The following DCAF4 variants were observed in gnomAD, a reference collection of about 807,000 sequenced individuals.
DCAF4 encodes the protein DDB1 and CUL4 associated factor 4.
In DCAF4, 37 loss-of-function variants were observed where a neutral mutation model predicts 60.9. The ratio of observed to expected loss-of-function variants is 0.61; its 90% confidence interval spans 0.47 to 0.80. The LOEUF (loss-of-function observed/expected upper bound fraction) is 0.80. DCAF4 is among the 30% of genes least tolerant of loss of function. DCAF4 has a pLI of 0.00. For missense variants in DCAF4, 577 were observed against 650.0 expected (o/e 0.89, Z 1.22); for synonymous variants, 243 against 254.8 (o/e 0.95, Z 0.44).
At chr14:72,943,814 G>T (rs1295301441) in intron 6 of DCAF4, among the ~76,000 whole-genome samples, 1 of 152,154 alleles carries the variant, frequency 6.6e-6, no homozygotes, top group Non-Finnish European at 1.5e-5. Flanking sequence ...GGATACAGAG[G>T]CAGGAGCATC....
chr14:72,950,390 TAG>T (rs1303309354), intron 8 of DCAF4, among the ~76,000 whole-genome samples: 1 of 152,050 alleles, frequency 6.6e-6, no homozygotes, highest in Non-Finnish European at 1.5e-5. Flanking sequence ...GAGTGTGTAG[TAG>T]AAATTGGGCT....
chr14:72,943,135 C>T (rs1329396361), intron 6 of DCAF4, 39 bp downstream of exon 6: 7 of 1,587,914 alleles, frequency 4.4e-6, no homozygotes, highest in Non-Finnish European at 6.1e-6. Flanking sequence ...GTGTGGCTGC[C>T]ACCCTCTGGA....
rs902656207 is a variant in DCAF4 at position 72,955,779 on chromosome 14, C to T, written c.1179+83C>T. ...GTGAAAGGGTTCTGCTGAAGAGGTC[C>T]TCACACCAAGACCCCAGGCAGGGGA... is the stretch of plus-strand genomic sequence containing the variant. On this transcript the variant is annotated intron_variant, in intron 12 of 13. Transcript: ENST00000358377. 48 of 1,331,146 alleles carry T rather than the reference C, an allele frequency of 3.6e-5. No individual in the cohort carries two copies. The African/African-American group carries it at 6.3e-4, about 17-fold the overall frequency. The allele number at this position is 1,331,146 out of a possible 1,614,324, so 82.5% of individuals were successfully genotyped here. A position where few individuals can be genotyped will look rare whatever the true frequency, so the allele number is the denominator to read the frequency against.
At chr14:72,929,021 C>T (rs1015749759) in intron 1 of DCAF4, among the ~76,000 whole-genome samples, 1 of 152,146 alleles carries the variant, frequency 6.6e-6, no homozygotes, top group African/African-American at 2.4e-5. Flanking sequence ...TGCCATCCCC[C>T]ACACTTGGCT....
chr14:72,929,471 A>G, intron 1 of DCAF4: 1 of 616,126 alleles, frequency 1.6e-6, no homozygotes, highest in South Asian at 2.0e-5. Context: ...CCAAGGCAGG[A>G]GGATCGCTGG....
chr14:72,956,349 G>T, intron 12 of DCAF4, 37 bp from the exon 13 acceptor site: 1 of 1,534,204 alleles, frequency 6.5e-7, no homozygotes, highest in South Asian at 1.3e-5. Context: ...GGTACCCCCT[G>T]GCCCCTCCCT....
rs925101747 is a variant in DCAF4 at position 72,945,982 on chromosome 14, G to A, written c.633G>A (p.Thr211=). Residue 211 remains threonine, a synonymous_variant, in exon 7 of 14, where the codon ACG becomes ACA. Coordinates refer to ENST00000358377, the MANE Select transcript of DCAF4 (RefSeq NM_015604.4). ...IINLQSLKTP[T]LKVFMHENLY... ...ACCTGCAAAGTCTGAAGACCCCTAC[G>A]CTCAAGGTGTTCATGCACGAAAACC... is the stretch of plus-strand genomic sequence containing the variant. The A allele has an allele frequency of 8.1e-6, 13 of 1,613,970 alleles. No individual in the cohort carries two copies. The highest frequency in any genetic ancestry group is 1.3e-5 in the African/African-American group (1 of 74,892).
intron 2 of DCAF4, 60 bp from the exon 3 acceptor site, chr14:72,939,742 C>T: frequency 8.9e-6 from 13 of 1,468,650 alleles, no homozygotes; most frequent in South Asian, 6.5e-5. Flanking sequence ...TCCCTGCCCC[C>T]GTCAGAATGG....
chr14:72,937,826 A>G (rs539229634), intron 1 of DCAF4, 145 bp from the exon 2 acceptor site: 2 of 1,279,536 alleles, frequency 1.6e-6, no homozygotes, highest in East Asian at 2.8e-5. Context: ...CTTCCCAGGT[A>G]AGGCTTGCTG....
At chr14:72,931,170 T>C (rs1208547602) in intron 1 of DCAF4, among the ~76,000 whole-genome samples, 1 of 152,204 alleles carries the variant, frequency 6.6e-6, no homozygotes, top group Non-Finnish European at 1.5e-5. Flanking sequence ...AGGGATTGCA[T>C]TCAATCTGTA....
rs71109770 is a variant in DCAF4 at position 72,955,914 on chromosome 14, CTTTTTTTTTTTT to C, written c.1179+233_1179+244del. 7.3e-5 allele frequency among the ~76,000 whole-genome samples: 4 copies of C among 54,768 alleles called. No individual in the cohort carries two copies. The South Asian group carries it at 4.9e-3, about 67-fold the overall frequency. The allele number at this position is 54,768 out of a possible 152,430, so 35.9% of individuals were successfully genotyped here. ...GTGAAAAGGATTCTCTGGTTATGTC[CTTTTTTTTTTTT>C]TTTTTTTTTTTTTTGAGATGGAGTC... On this transcript the variant is annotated intron_variant, in intron 12 of 13. Coordinates refer to ENST00000358377, the MANE Select transcript of DCAF4 (RefSeq NM_015604.4).
At chr14:72,940,433 A>T in intron 4 of DCAF4, 56 bp downstream of exon 4, 1 of 1,544,412 alleles carries the variant, frequency 6.5e-7, no homozygotes, top group African/African-American at 1.4e-5. Context: ...GCACCTGTCC[A>T]TCCACTGTTG....
intron 13 of DCAF4, chr14:72,957,572 T>A (rs1004419960): frequency 2.6e-5 from 4 of 152,244 alleles, no homozygotes; most frequent in Admixed American, 6.5e-5. Flanking sequence ...GGACTTCGCC[T>A]CCTTTTTAAG....
At chr14:72,956,597 AAC>A in intron 13 of DCAF4, 97 bp downstream of exon 13, 1 of 1,162,770 alleles carries the variant, frequency 8.6e-7, no homozygotes, top group Admixed American at 2.0e-5. Context: ...GTTACCCCAA[AAC>A]AGAACTGAAT....
rs116605682 is a variant in DCAF4, at chr14:72,938,607, A to G, written c.92+537A>G. Among the ~76,000 whole-genome samples, 816 of 152,276 alleles carry G rather than the reference A, an allele frequency of 5.4e-3. 9 individuals carry two copies. Among genetic ancestry groups the G allele is most frequent in the African/African-American group, 0.018 (763 of 41,556 alleles). ...TGGTACAGCCAGCCACACACACCTA[A>G]GCTATATGGTGTAGCCAATTGCTCC... On this transcript the variant is annotated intron_variant, in intron 2 of 13. Coordinates refer to ENST00000358377, the MANE Select transcript of DCAF4 (RefSeq NM_015604.4).
chr14:72,942,728 G>A, intron 5 of DCAF4: 1 of 454,302 alleles, frequency 2.2e-6, no homozygotes, highest in South Asian at 2.4e-5. Context: ...TGTACTGAAT[G>A]ATGCAGACAC....
At chr14:72,936,053 G>C (rs1006188918) in intron 1 of DCAF4, among the ~76,000 whole-genome samples, 34 of 152,134 alleles carry the variant, frequency 2.2e-4, no homozygotes, top group Non-Finnish European at 2.9e-5. Context: ...TCCCAAAAGT[G>C]CTGGGATTAC....
rs756594173 is a variant in DCAF4, at chr14:72,954,520, GC to G, written c.1005+41del. ...TGGGACAGGCAGAATATAAAAGTTT[GC>G]CCCATGTAGAAATTTGGCCAGATTG... On this transcript the variant is annotated intron_variant, in intron 11 of 13. Transcript: ENST00000358377. The G allele has an allele frequency of 1.1e-5, 18 of 1,604,820 alleles. No homozygotes were observed. The Admixed American group carries it at 1.8e-4, about 16-fold the overall frequency.
chr14:72,940,398 C>G, intron 4 of DCAF4, 21 bp downstream of exon 4: 1 of 1,592,550 alleles, frequency 6.3e-7, no homozygotes, highest in Non-Finnish European at 8.5e-7. Context: ...CACCCCTTCG[C>G]CCCCTGTCCT....
Sources: gnomAD v4.1 joint callset for allele counts (sites outside exome capture counted in the v4.1 genomes callset) on GRCh38, gnomAD v4.1.1 for gene constraint, MANE v1.5 for transcripts, NCBI Gene and HGNC (gene_info 2026-07-23, HGNC 2026-07-21) for gene names.